Variants in GGNBP2 observed in about 807,000 individuals in gnomAD.
GGNBP2 encodes gametogenetin binding protein 2, also known as gametogenetin-binding protein 2.
In GGNBP2, 10 loss-of-function variants were observed where a neutral mutation model predicts 85.9. The ratio of observed to expected loss-of-function variants is 0.12; its 90% CI spans 0.07 to 0.20. The LOEUF (loss-of-function observed/expected upper bound fraction) is 0.20. Ranked by LOEUF, GGNBP2 falls within the 10% of genes least tolerant of loss-of-function variation. The pLI is 1.00. For missense variants in GGNBP2, 595 were observed against 857.8 expected (o/e 0.69, Z 3.83); for synonymous variants, 287 against 285.7 (o/e 1.00, Z -0.05).
At chr17:36,558,587 C>G (rs899556044) in intron 4 of GGNBP2, among the ~76,000 whole-genome samples, 2 of 151,408 alleles carry the variant, frequency 1.3e-5, no homozygotes, top group Non-Finnish European at 2.9e-5. Context: ...TCCCAAGTAG[C>G]TGGGATTACA....
intron 2 of GGNBP2, chr17:36,546,110 C>T (rs1437161930): frequency 6.8e-5 from 30 of 440,832 alleles, no homozygotes; most frequent in Admixed American, 4.6e-4. Context: ...TCAAAGCACA[C>T]ATCTCAGAGA....
At chr17:36,561,395 TACAGGTGTGAGGCACCAC>T (rs1276354194) in intron 5 of GGNBP2, among the ~76,000 whole-genome samples, 25 of 152,284 alleles carry the variant, frequency 1.6e-4, no homozygotes, top group Admixed American at 4.6e-4. Context: ...GTGCTGGGAT[TACAGGTGTGAGGCACCAC>T]ACTCGGCCGG....
In GGNBP2 at chr17:36,546,976, A is replaced by G. The variant is rs201716827; in HGVS notation, c.93+1159A>G. ...GAGCTGCAGTACTTTAAAAAGGATTAGAAGAGCTATTGAATGACTTAATTT... is the reference window on the plus strand; with the variant it reads ...GAGCTGCAGTACTTTAAAAAGGATTGGAAGAGCTATTGAATGACTTAATTT... On this transcript the variant is annotated intron_variant, in intron 2 of 13. Transcript: ENST00000613102. 2.0e-5 allele frequency: 3 copies of G among 152,246 alleles called. No homozygotes were observed. The East Asian group carries it at 5.8e-4, about 29-fold the overall frequency. The allele number at this position is 152,246 out of a possible 1,614,324, so 9.4% of individuals were successfully genotyped here.
At position 36,580,932 on chromosome 17, in the gene GGNBP2, A is replaced by G. The variant is rs1001275103; in HGVS notation, c.1021-412A>G. 2.0e-5 allele frequency among the ~76,000 whole-genome samples: 3 copies of G among 150,764 alleles called. No homozygotes were observed. In the Admixed American group the frequency reaches 2.0e-4, roughly 10 times the overall value. Reference sequence around the variant, plus strand: ...AGACTCTGTCTCAAAAAAAAAAAAAATTCTGAAATTTAAAACTAGAATCTT... The same window carrying G: ...AGACTCTGTCTCAAAAAAAAAAAAAGTTCTGAAATTTAAAACTAGAATCTT... On this transcript the variant is annotated intron_variant, in intron 8 of 13. Coordinates refer to ENST00000613102, the MANE Select transcript of GGNBP2 (RefSeq NM_024835.5).
Position 36,554,814 on chromosome 17 carries a change from T to G in GGNBP2, c.94-6T>G. The G allele has an allele frequency of 6.3e-7, 1 of 1,575,120 alleles. No individual in the cohort carries two copies. Among genetic ancestry groups the G allele is most frequent in the Non-Finnish European group, 8.7e-7 (1 of 1,144,486 alleles). On this transcript the variant is annotated splice_region_variant and splice_polypyrimidine_tract_variant and intron_variant, in intron 2 of 13. Coordinates refer to ENST00000613102, the MANE Select transcript of GGNBP2 (RefSeq NM_024835.5). ...TAATTGATTTCCGTTCTGTTTGCAT[T>G]TTAAGATGGTGATGGAATTTCCTGA...
Position 36,574,932 on chromosome 17 carries a change from T to C in GGNBP2, c.642-3051T>C, listed in dbSNP as rs746429245. On this transcript the variant is annotated intron_variant, in intron 6 of 13. Coordinates refer to ENST00000613102, the MANE Select transcript of GGNBP2 (RefSeq NM_024835.5). ...TTGGAGCACTTAACACCCAGACCGA[T>C]GTGGCCATTGTAGTCCACGATGGCA... 9.4e-6 allele frequency: 10 copies of C among 1,064,416 alleles called. No individual in the cohort carries two copies. In the East Asian group the frequency reaches 1.8e-4, roughly 19 times the overall value. The allele number at this position is 1,064,416 out of a possible 1,614,324, so 65.9% of individuals were successfully genotyped here. A position where few individuals can be genotyped will look rare whatever the true frequency, so the allele number is the denominator to read the frequency against.
At chr17:36,575,648 A>ATATATTTT (rs374366757) in intron 6 of GGNBP2, among the ~76,000 whole-genome samples, 128 of 54,912 alleles carry the variant, frequency 2.3e-3, no homozygotes, top group African/African-American at 6.3e-3. Flanking sequence ...ATATATATAT[A>ATATATTTT]TTTTTTTTTT....
chr17:36,582,712 C>G (rs1198745402), intron 9 of GGNBP2, among the ~76,000 whole-genome samples: 1 of 152,124 alleles, frequency 6.6e-6, no homozygotes, highest in Non-Finnish European at 1.5e-5. Flanking sequence ...GAGTAGTTAT[C>G]TCTTTACCTG....
intron 2 of GGNBP2, among the ~76,000 whole-genome samples, chr17:36,553,021 C>CAAAA (rs56946600): frequency 4.6e-4 from 35 of 75,962 alleles, no homozygotes; most frequent in Non-Finnish European, 6.5e-4. Flanking sequence ...GACTCTGTCT[C>CAAAA]AAAAAAAAAA....
In GGNBP2 at chr17:36,568,416, C is replaced by G. The variant is rs995433940; in HGVS notation, c.641+640C>G. ...CGTTCCAGCGGTTCTCCTGCCTCAG[C>G]CTCCTGAGTAGCTGAGACTACAGGC... On this transcript the variant is annotated intron_variant, in intron 6 of 13. Coordinates refer to ENST00000613102, the MANE Select transcript of GGNBP2 (RefSeq NM_024835.5). 2.0e-5 allele frequency among the ~76,000 whole-genome samples: 3 copies of G among 152,182 alleles called. No individual in the cohort carries two copies. In the East Asian group the frequency reaches 5.8e-4, roughly 29 times the overall value.
At chr17:36,583,848 A>T (rs1430689339) in intron 9 of GGNBP2, among the ~76,000 whole-genome samples, 1 of 152,196 alleles carries the variant, frequency 6.6e-6, no homozygotes, top group Non-Finnish European at 1.5e-5. Context: ...TTTCTAAAAG[A>T]TTCATTGCAA....
intron 6 of GGNBP2, among the ~76,000 whole-genome samples, chr17:36,570,165 C>T (rs966968964): frequency 6.6e-6 from 1 of 150,758 alleles, no homozygotes; most frequent in Non-Finnish European, 1.5e-5. Flanking sequence ...ATGGTTTGAG[C>T]TCAGGAGTTT....
chr17:36,548,142 C>T (rs1599492206), intron 2 of GGNBP2, among the ~76,000 whole-genome samples: 3 of 152,260 alleles, frequency 2.0e-5, no homozygotes, highest in African/African-American at 7.2e-5. Context: ...ATTGTTTGAA[C>T]TTATTTCAAA....
At chr17:36,570,705 A>C (rs2074515016) in intron 6 of GGNBP2, among the ~76,000 whole-genome samples, 1 of 151,910 alleles carries the variant, frequency 6.6e-6, no homozygotes, top group African/African-American at 2.4e-5. Flanking sequence ...CTTCGTTCCC[A>C]AAAAAACAAC....
chr17:36,553,503 C>T (rs533949029), intron 2 of GGNBP2, among the ~76,000 whole-genome samples: 1 of 152,288 alleles, frequency 6.6e-6, no homozygotes, highest in South Asian at 2.1e-4. Context: ...ATTAAAGAAG[C>T]AGGTCTCTGG....
chr17:36,567,894 G>A, intron 6 of GGNBP2, 118 bp downstream of exon 6: 1 of 536,312 alleles, frequency 1.9e-6, no homozygotes, highest in Non-Finnish European at 3.4e-6. Context: ...TTTAATACTT[G>A]GCACTAGGCG....
At chr17:36,556,163 G>C (rs1257042123) in intron 3 of GGNBP2, among the ~76,000 whole-genome samples, 2 of 152,170 alleles carry the variant, frequency 1.3e-5, no homozygotes, top group Non-Finnish European at 2.9e-5. Flanking sequence ...TCATTTCTCT[G>C]CAACAGTAGC....
chr17:36,565,027 T>C (rs893055360), intron 5 of GGNBP2, among the ~76,000 whole-genome samples: 1 of 152,048 alleles, frequency 6.6e-6, no homozygotes, highest in African/African-American at 2.4e-5. Flanking sequence ...GTAAAAGAAT[T>C]CTGAGGAATT....
At chr17:36,585,531 T>C (rs1251708392) in intron 10 of GGNBP2, 81 bp downstream of exon 10, 6 of 1,008,702 alleles carry the variant, frequency 5.9e-6, no homozygotes, top group Non-Finnish European at 7.3e-6. Context: ...TTAGAGATTC[T>C]GTGAGCTAGA....
Sources: gnomAD v4.1 joint callset for allele counts (sites outside exome capture counted in the v4.1 genomes callset) on GRCh38, gnomAD v4.1.1 for gene constraint, MANE v1.5 for transcripts, NCBI Gene and HGNC (gene_info 2026-07-23, HGNC 2026-07-21) for gene names.